Variants in PRR5 observed in about 807,000 individuals in gnomAD.
The protein encoded by PRR5 is proline rich 5.
Under a neutral mutation model 30.6 loss-of-function variants are expected in PRR5, and 25 were observed. The observed-to-expected ratio is 0.82, with a 90% CI of 0.60 to 1.14. The LOEUF is 1.14. PRR5 is among the 50% of genes most tolerant of loss of function. The pLI is 0.00. For missense variants in PRR5, 600 were observed against 547.1 expected (o/e 1.10, Z -0.96); for synonymous variants, 286 against 247.1 (o/e 1.16, Z -1.48).
chr22:44,680,348 T>C (rs917862522), intron 1 of PRR5, among the ~76,000 whole-genome samples: 10 of 151,918 alleles, frequency 6.6e-5, no homozygotes, highest in Non-Finnish European at 1.2e-4. Flanking sequence ...GCTCCTGGAA[T>C]GGCATGTCCC....
intron 1 of PRR5, 100 bp from the exon 2 acceptor site, chr22:44,714,491 C>A: frequency 6.7e-7 from 1 of 1,497,390 alleles, no homozygotes; most frequent in South Asian, 1.2e-5. Flanking sequence ...GATGGCTATC[C>A]TGCCCTTCTA....
At chr22:44,681,087 G>C (rs73889602) in intron 1 of PRR5, among the ~76,000 whole-genome samples, 2,742 of 152,158 alleles carry the variant, frequency 0.018, 87 homozygotes, top group African/African-American at 0.062. Context: ...CTTCTCTCTC[G>C]GCCCCTGCAT....
intron 1 of PRR5, among the ~76,000 whole-genome samples, chr22:44,693,728 C>T (rs78873139): frequency 0.073 from 10,765 of 146,496 alleles, 637 homozygotes; most frequent in African/African-American, 0.16. Flanking sequence ...CTCAGGTTCA[C>T]GCCATTCTCC....
chr22:44,683,317 G>A (rs1924454149), intron 1 of PRR5, among the ~76,000 whole-genome samples: 1 of 152,204 alleles, frequency 6.6e-6, no homozygotes, highest in African/African-American at 2.4e-5. Flanking sequence ...GCCAGTGCTT[G>A]GGGAGCGACA....
chr22:44,731,289 A>C, intron 4 of PRR5: 2 of 269,278 alleles, frequency 7.4e-6, no homozygotes, highest in South Asian at 4.3e-5. Context: ...GAGTGTACCT[A>C]CCTGTGCGGG....
At chr22:44,672,992 C>T (rs369664559), upstream of PRR5, among the ~76,000 whole-genome samples, 194 of 152,338 alleles carry the variant, frequency 1.3e-3, no homozygotes, top group Admixed American at 3.9e-3. Flanking sequence ...ACCACCATGG[C>T]GGGCTCCTCT....
rs186046150 is a variant in PRR5 at position 44,718,841 on chromosome 22, G to T, written c.215+4170G>T. On this transcript the variant is annotated intron_variant, in intron 2 of 7. Coordinates refer to ENST00000336985, the MANE Select transcript of PRR5 (RefSeq NM_181333.4). ...CATCCCTTGCCCATTTTTCAGTTGGGTTATTTGTCTTTGTATTATTGAGCT... is the reference window on the plus strand; with the variant it reads ...CATCCCTTGCCCATTTTTCAGTTGGTTTATTTGTCTTTGTATTATTGAGCT... 3.4e-4 allele frequency among the ~76,000 whole-genome samples: 51 copies of T among 152,184 alleles called. 1 individual carries two copies. Among genetic ancestry groups the T allele is most frequent in the Admixed American group, 3.1e-3 (47 of 15,282 alleles).
intron 4 of PRR5, 28 bp from the exon 5 acceptor site, chr22:44,731,702 C>A (rs769232251): frequency 6.2e-7 from 1 of 1,611,104 alleles, no homozygotes; most frequent in Admixed American, 1.7e-5. Context: ...CCAGTCAGGC[C>A]CAGTGGTGAT....
At chr22:44,734,961 G>A (rs1479826494) in intron 6 of PRR5, 66 bp from the exon 7 acceptor site, 2 of 1,516,850 alleles carry the variant, frequency 1.3e-6, no homozygotes, top group East Asian at 2.3e-5. Flanking sequence ...GGGACATATG[G>A]TTGAGAGCCT....
intron 1 of PRR5, among the ~76,000 whole-genome samples, chr22:44,669,206 G>A (rs1401148547): frequency 6.9e-6 from 1 of 145,254 alleles, no homozygotes; most frequent in Non-Finnish European, 1.5e-5. Flanking sequence ...CTCCTTCCCC[G>A]ACACCGCTCT....
chr22:44,699,143 C>T (rs1926030159), upstream of PRR5, among the ~76,000 whole-genome samples: 1 of 152,186 alleles, frequency 6.6e-6, no homozygotes. Context: ...CTCAGCCATC[C>T]CCACCTCCGG....
upstream of PRR5, among the ~76,000 whole-genome samples, chr22:44,673,253 C>T (rs1373601538): frequency 6.6e-6 from 1 of 152,228 alleles, no homozygotes; most frequent in Non-Finnish European, 1.5e-5. Flanking sequence ...CTTACAGCCC[C>T]TTTGAGTCTG....
chr22:44,716,216 T>C (rs1929028982), intron 2 of PRR5, among the ~76,000 whole-genome samples: 1 of 152,152 alleles, frequency 6.6e-6, no homozygotes, highest in Non-Finnish European at 1.5e-5. Context: ...ACCCAAGAAA[T>C]GGGTAAAAAT....
chr22:44,678,496 G>T (rs2146936567), intron 1 of PRR5, among the ~76,000 whole-genome samples: 1 of 152,116 alleles, frequency 6.6e-6, no homozygotes, highest in Non-Finnish European at 1.5e-5. Flanking sequence ...TGTATTTTTA[G>T]TGGAGATGGA....
upstream of PRR5, among the ~76,000 whole-genome samples, chr22:44,672,549 A>C (rs1459643777): frequency 6.6e-6 from 1 of 152,188 alleles, no homozygotes; most frequent in Non-Finnish European, 1.5e-5. Context: ...ACGTGCCTGC[A>C]CTCCAGCCTG....
intron 1 of PRR5, among the ~76,000 whole-genome samples, chr22:44,687,518 AAG>A (rs1924858122): frequency 6.6e-6 from 1 of 152,066 alleles, no homozygotes; most frequent in African/African-American, 2.4e-5. Context: ...TTCCTACCTC[AAG>A]CTCAGGAGGA....
At chr22:44,735,541 G>T (rs1923062327) in intron 7 of PRR5, among the ~76,000 whole-genome samples, 1 of 152,168 alleles carries the variant, frequency 6.6e-6, no homozygotes, top group South Asian at 2.1e-4. Context: ...TCGGCCTGGG[G>T]GTGGGCAGGC....
chr22:44,681,580 C>T (rs1924286888), intron 1 of PRR5, among the ~76,000 whole-genome samples: 1 of 141,442 alleles, frequency 7.1e-6, no homozygotes, highest in African/African-American at 3.0e-5. Flanking sequence ...AAGAGCAAGA[C>T]TTTGTCTCAA....
chr22:44,683,473 A>G (rs1227577060), intron 1 of PRR5, among the ~76,000 whole-genome samples: 3 of 152,240 alleles, frequency 2.0e-5, no homozygotes, highest in African/African-American at 7.2e-5. Flanking sequence ...AGGTTACTCA[A>G]AACCAGAAAC....
Sources: allele counts gnomAD v4.1 joint callset (sites outside exome capture counted in the v4.1 genomes callset), GRCh38; gene constraint gnomAD v4.1.1; transcripts MANE v1.5; gene names NCBI Gene and HGNC (gene_info 2026-07-23, HGNC 2026-07-21).